COL13A1: variants seen among roughly 807,000 people sequenced by gnomAD.
COL13A1 encodes the protein collagen type XIII alpha 1 chain.
COL13A1 carries 89 observed loss-of-function variants against 130.9 expected under a neutral mutation model. That is an observed-to-expected ratio of 0.68 (90% CI 0.57 to 0.81). The LOEUF (loss-of-function observed/expected upper bound fraction) is 0.81, where lower values mean the gene tolerates loss of function less well. Among genes scored for constraint, COL13A1 ranks in the 30% least tolerant of loss-of-function variants. COL13A1 has a pLI of 0.00. For missense variants in COL13A1, 879 were observed against 934.6 expected, an observed-to-expected ratio of 0.94 and a Z score of 0.78; for synonymous variants, 402 against 341.6, an observed-to-expected ratio of 1.18 and a Z score of -1.95.
chr10:69,824,141 C>T (rs1361236164), intron 2 of COL13A1: 1 of 472,146 alleles, frequency 2.1e-6, no homozygotes, highest in Non-Finnish European at 4.4e-6. Context: ...GCCTCAGTTG[C>T]CTTGTCTGAA....
chr10:69,826,782 G>A (rs1847605040), intron 2 of COL13A1, among the ~76,000 whole-genome samples: 1 of 152,162 alleles, frequency 6.6e-6, no homozygotes, highest in Non-Finnish European at 1.5e-5. Flanking sequence ...TTCCCTAGCA[G>A]GCCAGGGCTG....
rs10999030 is a variant in COL13A1 at position 69,935,698 on chromosome 10, A to G, written c.1770+307A>G. ...TTGCCATCAAACATCTGCTTCTCCC[A>G]TTCCTCATTTGAAAGTGACTCACCG... On this transcript the variant is annotated intron_variant, in intron 32 of 40. Transcript: ENST00000645393. 2.1e-3 allele frequency among the ~76,000 whole-genome samples: 315 copies of G among 152,104 alleles called. 7 individuals are homozygous for G. In the East Asian group the frequency reaches 0.046, roughly 22 times the overall value.
intron 5 of COL13A1, among the ~76,000 whole-genome samples, chr10:69,876,247 C>T (rs148540435): frequency 4.5e-4 from 68 of 152,314 alleles, no homozygotes; most frequent in African/African-American, 1.3e-3. Flanking sequence ...TTCCCAAGGT[C>T]GCACAGTCAG....
At chr10:69,945,937 G>T (rs1478179584) in intron 37 of COL13A1, among the ~76,000 whole-genome samples, 1 of 152,060 alleles carries the variant, frequency 6.6e-6, no homozygotes, top group Admixed American at 6.5e-5. Context: ...CACGTGTGGT[G>T]GTGCGCACCT....
At chr10:69,886,446 GT>G (rs1589294926) in intron 7 of COL13A1, among the ~76,000 whole-genome samples, 1 of 152,230 alleles carries the variant, frequency 6.6e-6, no homozygotes, top group Non-Finnish European at 1.5e-5. Flanking sequence ...GATTCTGGCT[GT>G]GTCAGCCAAA....
At chr10:69,950,469 T>C (rs1286147260) in intron 38 of COL13A1, among the ~76,000 whole-genome samples, 1 of 152,190 alleles carries the variant, frequency 6.6e-6, no homozygotes, top group Non-Finnish European at 1.5e-5. Flanking sequence ...CCCCGGGGTA[T>C]CCTGGACTGG....
chr10:69,802,057 A>C lies in COL13A1; in HGVS notation c.-367A>C. On this transcript the variant is annotated 5_prime_UTR_variant, in exon 1 of 41. Coordinates refer to ENST00000645393, the MANE Select transcript of COL13A1 (RefSeq NM_001368882.1). ...GGGGACTGAAACTGACTGGCCCGGG[A>C]GACACGAGGCGCCCAGAAGGACTGA... 5.2e-6 allele frequency: 1 copy of C among 193,506 alleles called. No homozygotes were observed. The highest frequency in any genetic ancestry group is 1.9e-3 in the Middle Eastern group (1 of 528). The allele number at this position is 193,506 out of a possible 1,614,324, so 12.0% of individuals were successfully genotyped here. A position where few individuals can be genotyped will look rare whatever the true frequency, so the allele number is the denominator to read the frequency against.
intron 32 of COL13A1, among the ~76,000 whole-genome samples, chr10:69,936,098 AAGGG>A (rs1475086506): frequency 0.025 from 2,008 of 79,062 alleles, 81 homozygotes; most frequent in African/African-American, 0.092. Context: ...GGAAGGAGGG[AAGGG>A]AGGAAGGAAG....
intron 10 of COL13A1, among the ~76,000 whole-genome samples, chr10:69,894,177 T>C (rs2061430934): frequency 6.6e-6 from 1 of 152,192 alleles, no homozygotes. Context: ...CACTGCAGCC[T>C]GGGAGGCAGG....
In COL13A1 at chr10:69,802,707, T is replaced by C; in HGVS notation, c.284T>C (p.Leu95Pro). Reference protein sequence around the residue: ...ETAILGRVNQLLDEKWKLHSR... With the variant: ...ETAILGRVNQPLDEKWKLHSR... Reference sequence around the variant, plus strand: ...GCTATTTTGGGACGAGTCAATCAACTGCTGGACGAGGTCTGTGCTCTTTGT... The same window carrying C: ...GCTATTTTGGGACGAGTCAATCAACCGCTGGACGAGGTCTGTGCTCTTTGT... Residue 95 changes from leucine (L) to proline (P), a missense_variant, in exon 1 of 41, where the codon CTG becomes CCG. Around this residue, in one of 3 missense-constraint regions of COL13A1, gnomAD observed 715 missense variants for 721.0 expected, o/e 0.99. Transcript: ENST00000645393. 2 of 1,612,058 alleles carry C rather than the reference T, an allele frequency of 1.2e-6. No homozygotes were observed. The highest frequency in any genetic ancestry group is 2.2e-5 in the South Asian group (2 of 91,026).
intron 2 of COL13A1, among the ~76,000 whole-genome samples, chr10:69,828,277 C>A (rs1000585691): frequency 1.3e-5 from 2 of 152,066 alleles, no homozygotes; most frequent in Non-Finnish European, 2.9e-5. Context: ...GTCCTCCCCA[C>A]CCCCATCTCT....
intron 1 of COL13A1, among the ~76,000 whole-genome samples, chr10:69,812,877 A>C (rs1260588149): frequency 6.6e-6 from 1 of 152,192 alleles, no homozygotes; most frequent in Admixed American, 6.5e-5. Context: ...GTTACTGCTC[A>C]GCTTCAGATC....
Position 69,935,336 on chromosome 10 carries a change from C to A in COL13A1, c.1729-14C>A. ...GCCACTTCAAATGTAACAGGGCTCC[C>A]CTTTGGCTTTTAGGTTCCTGGGCTG... On this transcript the variant is annotated splice_polypyrimidine_tract_variant and intron_variant, in intron 31 of 40. Coordinates refer to ENST00000645393, the MANE Select transcript of COL13A1 (RefSeq NM_001368882.1). 2 of 1,575,900 alleles carry A rather than the reference C, an allele frequency of 1.3e-6. No individual in the cohort carries two copies. The highest frequency in any genetic ancestry group is 2.3e-5 in the East Asian group (1 of 43,018).
chr10:69,885,917 G>A (rs2060555366), intron 7 of COL13A1, among the ~76,000 whole-genome samples: 1 of 152,142 alleles, frequency 6.6e-6, no homozygotes, highest in Admixed American at 6.5e-5. Context: ...GCCTGTGGCA[G>A]ACTTCAACTC....
intron 5 of COL13A1, among the ~76,000 whole-genome samples, chr10:69,876,204 A>C (rs1191465617): frequency 4.6e-5 from 7 of 152,176 alleles, no homozygotes; most frequent in African/African-American, 1.7e-4. Flanking sequence ...TACTCTTCCG[A>C]TGAGAAAACC....
rs573668102 is a variant in COL13A1, at chr10:69,858,115, C to CAAAAAAAAAAAAA, written c.365-9675_365-9663dup. Among the ~76,000 whole-genome samples, 310 of 80,338 alleles carry CAAAAAAAAAAAAA rather than the reference C, an allele frequency of 3.9e-3. 34 individuals carry two copies. The highest frequency in any genetic ancestry group is 0.012 in the African/African-American group (247 of 19,860). The allele number at this position is 80,338 out of a possible 152,430, so 52.7% of individuals were successfully genotyped here. Reference sequence around the variant, plus strand: ...TGGGTGACAGAGCGAGACTCCGTCTCAAAAAAAAAAAAAAAAAAAAGATTG... The same window carrying CAAAAAAAAAAAAA: ...TGGGTGACAGAGCGAGACTCCGTCTCAAAAAAAAAAAAAAAAAAAAAAAAAAAAAAAAAGATTG... On this transcript the variant is annotated intron_variant, in intron 2 of 40. Transcript: ENST00000645393.
chr10:69,935,254 T>C (rs569297255), intron 31 of COL13A1, 96 bp from the exon 32 acceptor site: 4 of 1,067,890 alleles, frequency 3.7e-6, no homozygotes, highest in South Asian at 1.4e-5. Context: ...TGGGCAGCCA[T>C]GTCCTCCTCT....
intron 1 of COL13A1, among the ~76,000 whole-genome samples, chr10:69,816,016 C>T (rs1299444163): frequency 1.3e-5 from 2 of 151,534 alleles, no homozygotes; most frequent in Non-Finnish European, 2.9e-5. Context: ...AAGAGAACAC[C>T]CAGGCAGAGA....
chr10:69,956,985 C>A lies in COL13A1; in HGVS notation c.2146-19C>A. 1 of 1,610,982 alleles carries A rather than the reference C, an allele frequency of 6.2e-7. No homozygotes were observed. Among genetic ancestry groups the A allele is most frequent in the Non-Finnish European group, 8.5e-7 (1 of 1,177,164 alleles). On this transcript the variant is annotated intron_variant, in intron 39 of 40. Transcript: ENST00000645393. ...CATTGCAGGAAGTCTGAGCCCTCTG[C>A]CTTCCTTTCTCCTTGCAGGGCGAAG...
Sources: gnomAD v4.1 joint callset for allele counts (sites outside exome capture counted in the v4.1 genomes callset) on GRCh38, gnomAD v4.1.1 for gene constraint, gnomAD v4.1.1 regional missense constraint, MANE v1.5 for transcripts, NCBI Gene and HGNC (gene_info 2026-07-23, HGNC 2026-07-21) for gene names.